Variants in TMC4 observed in about 807,000 individuals in gnomAD.
The protein encoded by TMC4 is voltage-gated chloride channel TMC4.
Under a neutral mutation model 82.0 loss-of-function variants are expected in TMC4, and 70 were observed. The observed-to-expected ratio is 0.85, with a 90% CI of 0.70 to 1.04. TMC4 has a LOEUF of 1.04. TMC4 is among the 50% of genes least tolerant of loss of function. The probability of loss-of-function intolerance (pLI) is 0.00; values close to 1 mark genes in which losing one functional copy is unlikely to be tolerated. For missense variants in TMC4, 879 were observed against 899.0 expected, an observed-to-expected ratio of 0.98 and a Z score of 0.28; for synonymous variants, 446 against 406.0, an observed-to-expected ratio of 1.10 and a Z score of -1.18.
intron 5 of TMC4, 138 bp downstream of exon 5, chr19:54,168,033 A>C (rs1438087712): frequency 2.8e-6 from 3 of 1,090,588 alleles, no homozygotes. Context: ...ACTACACTCT[A>C]GCCTGGGCAA....
At chr19:54,161,748 G>T (rs940669156) in intron 11 of TMC4, among the ~76,000 whole-genome samples, 8 of 152,050 alleles carry the variant, frequency 5.3e-5, no homozygotes, top group African/African-American at 1.9e-4. Flanking sequence ...TGCCATGTTA[G>T]CCAGGCTGGT....
chr19:54,167,788 C>T (rs2075741105), intron 5 of TMC4, among the ~76,000 whole-genome samples: 1 of 151,380 alleles, frequency 6.6e-6, no homozygotes, highest in Admixed American at 6.6e-5. Flanking sequence ...TGGGGCCGGG[C>T]GCGGTGGCTC....
rs1176171713 is a variant in TMC4, at chr19:54,163,296, CTTTCTTTCTTTCT to C, written c.1278-150_1278-138del. The C allele has an allele frequency of 9.7e-6, 8 of 824,226 alleles. No homozygotes were observed. The Admixed American group carries it at 2.4e-4, about 24-fold the overall frequency. 51.1% of individuals were successfully genotyped at this position (824,226 alleles called of 1,614,324 possible). A position where few individuals can be genotyped will look rare whatever the true frequency, so the allele number is the denominator to read the frequency against. ...CCAGTGACAGAATCAGGATTTCTTT[CTTTCTTTCTTTCT>C]TTTTTTTTTTTTTTTTTTTGAGACA... is the stretch of plus-strand genomic sequence containing the variant. On this transcript the variant is annotated intron_variant, in intron 8 of 14. Coordinates refer to ENST00000619895, the MANE Select transcript of TMC4 (RefSeq NM_144686.4).
chr19:54,165,675 G>A (rs1168739387), intron 5 of TMC4, 109 bp from the exon 6 acceptor site: 8 of 1,320,804 alleles, frequency 6.1e-6, no homozygotes, highest in Non-Finnish European at 7.1e-6. Context: ...CTAAGGCCTT[G>A]GGTACTAGGC....
In TMC4 at chr19:54,160,524, C is replaced by T. The variant is rs770141706; in HGVS notation, c.1995G>A (p.Val665=). The T allele has an allele frequency of 3.9e-5, 63 of 1,614,002 alleles. No homozygotes were observed. Among genetic ancestry groups the T allele is most frequent in the Non-Finnish European group, 3.1e-5 (36 of 1,180,016 alleles). ...LISSILMAYT[V]ALANSYGRLI... ...GGCGTCCGTAGGAGTTAGCCAGAGC[C>T]ACAGTGTACGCCATCAGGATGCTGA... The change falls in exon 14 of 15, where the codon GTG becomes GTA. Residue 665 remains valine (V), a synonymous_variant. Coordinates refer to ENST00000619895, the MANE Select transcript of TMC4 (RefSeq NM_144686.4).
intron 1 of TMC4, among the ~76,000 whole-genome samples, 189 bp from the exon 2 acceptor site, chr19:54,172,272 C>A (rs2075920093): frequency 1.5e-4 from 1 of 6,518 alleles, no homozygotes; most frequent in African/African-American, 8.2e-4. Context: ...GAGTCCAGGC[C>A]CCCGGCTCCT....
In TMC4 at chr19:54,164,361, C is replaced by T. The variant is rs111370470; in HGVS notation, c.1113+73G>A. The T allele has an allele frequency of 2.4e-5, 37 of 1,522,430 alleles. No individual in the cohort carries two copies. The African/African-American group carries it at 3.0e-4, about 12-fold the overall frequency. 94.3% of individuals were successfully genotyped at this position (1,522,430 alleles called of 1,614,324 possible). A position where few individuals can be genotyped will look rare whatever the true frequency, so the allele number is the denominator to read the frequency against. Reference sequence around the variant, plus strand: ...CTAAGATCTCTGGCATCCCAAACTTCCGTCCCCTCCCTCCACCGTTGGAAA... The same window carrying T: ...CTAAGATCTCTGGCATCCCAAACTTTCGTCCCCTCCCTCCACCGTTGGAAA... On this transcript the variant is annotated intron_variant, in intron 7 of 14. Transcript: ENST00000619895.
intron 11 of TMC4, among the ~76,000 whole-genome samples, chr19:54,161,509 C>T (rs1168635021): frequency 6.6e-6 from 1 of 150,908 alleles, no homozygotes; most frequent in East Asian, 1.9e-4. Context: ...CCACCACTCC[C>T]GGCTAATTTG....
chr19:54,162,332 T>C (rs1600553461), intron 10 of TMC4, 47 bp from the exon 11 acceptor site: 1 of 1,223,222 alleles, frequency 8.2e-7, no homozygotes, highest in Non-Finnish European at 1.0e-6. Context: ...AGTGGCGGCC[T>C]GGAGTTTCCA....
chr19:54,165,817 CAG>C (rs2075689128), intron 5 of TMC4, among the ~76,000 whole-genome samples: 1 of 151,890 alleles, frequency 6.6e-6, no homozygotes, highest in African/African-American at 2.4e-5. Flanking sequence ...ACCTAGGAGA[CAG>C]GGACAGAGCC....
intron 5 of TMC4, among the ~76,000 whole-genome samples, chr19:54,166,160 C>T (rs1368953887): frequency 2.6e-5 from 4 of 151,276 alleles, no homozygotes; most frequent in Non-Finnish European, 4.4e-5. Flanking sequence ...GGGAGGATCA[C>T]CTGAGGTCAG....
chr19:54,162,352 C>T (rs2075579795), intron 10 of TMC4, 67 bp from the exon 11 acceptor site: 2 of 1,217,720 alleles, frequency 1.6e-6, no homozygotes, highest in Admixed American at 3.4e-5. Context: ...ACGCCTCCAC[C>T]GCCCCGCCCG....
chr19:54,170,004 G>A (rs989549792), intron 2 of TMC4, among the ~76,000 whole-genome samples: 2 of 152,078 alleles, frequency 1.3e-5, no homozygotes, highest in Admixed American at 6.6e-5. Context: ...GAGAGGCTGA[G>A]GCAGGAAAAT....
intron 4 of TMC4, 48 bp from the exon 5 acceptor site, chr19:54,168,340 T>C (rs2075756637): frequency 6.5e-7 from 1 of 1,539,778 alleles, no homozygotes; most frequent in Non-Finnish European, 8.8e-7. Flanking sequence ...GAGGCGGGGC[T>C]CCTGGAGCTG....
intron 6 of TMC4, 35 bp downstream of exon 6, chr19:54,165,384 C>T (rs200518808): frequency 1.3e-6 from 2 of 1,567,560 alleles, no homozygotes; most frequent in Non-Finnish European, 1.7e-6. Flanking sequence ...CTGTCTGGTC[C>T]CTACCCAGTT....
chr19:54,164,623 G>A, intron 6 of TMC4, 22 bp from the exon 7 acceptor site: 1 of 1,610,800 alleles, frequency 6.2e-7, no homozygotes, highest in South Asian at 1.1e-5. Flanking sequence ...AGAGATGCCC[G>A]CTTGGACTCC....
chr19:54,165,330 G>GC, intron 6 of TMC4, 89 bp downstream of exon 6: 1 of 1,361,772 alleles, frequency 7.3e-7, no homozygotes, highest in Non-Finnish European at 9.8e-7. Flanking sequence ...CTCTCCGGAG[G>GC]CCCCATCACC....
At chr19:54,166,108 A>G (rs1185803363) in intron 5 of TMC4, among the ~76,000 whole-genome samples, 2 of 151,976 alleles carry the variant, frequency 1.3e-5, no homozygotes, top group Non-Finnish European at 2.9e-5. Context: ...GCCAGGCGCC[A>G]TGGCTCACGC....
At position 54,173,058 on chromosome 19, in the gene TMC4, G is replaced by A. The variant is rs201752591; in HGVS notation, c.60C>T (p.Ala20=). Reference sequence around the variant, plus strand: ...CCCTACCTCCTCTGGCCTCCCGGGGGGCCAGCCACTCCCTAGAGGAGCCCC... The same window carrying A: ...CCCTACCTCCTCTGGCCTCCCGGGGAGCCAGCCACTCCCTAGAGGAGCCCC... ...EAWGSSREWL[A]PREARGGPSL... The change falls in exon 1 of 15, where the codon GCC becomes GCT. Residue 20 remains alanine (A), a synonymous_variant. Coordinates refer to ENST00000619895, the MANE Select transcript of TMC4 (RefSeq NM_144686.4). The A allele has an allele frequency of 6.2e-7, 1 of 1,613,366 alleles. No homozygotes were observed. Among genetic ancestry groups the A allele is most frequent in the African/African-American group, 1.3e-5 (1 of 74,858 alleles).
Sources: allele counts gnomAD v4.1 joint callset (sites outside exome capture counted in the v4.1 genomes callset), GRCh38; gene constraint gnomAD v4.1.1; transcripts MANE v1.5; gene names NCBI Gene and HGNC (gene_info 2026-07-23, HGNC 2026-07-21).